SLCO1B3: variants seen among roughly 807,000 people sequenced by gnomAD.
The protein encoded by SLCO1B3 is solute carrier organic anion transporter family member 1B3.
Under a neutral mutation model 71.8 loss-of-function variants are expected in SLCO1B3, and 72 were observed. The observed-to-expected ratio is 1.00, with a 90% CI of 0.83 to 1.22. The LOEUF (loss-of-function observed/expected upper bound fraction) is 1.22, where lower values mean the gene tolerates loss of function less well. Among genes scored for constraint, SLCO1B3 ranks in the 50% most tolerant of loss-of-function variants. The pLI is 0.00. For missense variants in SLCO1B3, 911 were observed against 819.7 expected, an observed-to-expected ratio of 1.11 and a Z score of -1.36; for synonymous variants, 298 against 278.4, an observed-to-expected ratio of 1.07 and a Z score of -0.70.
chr12:20,837,375 G>C (rs1289023726), intron 3 of SLCO1B3, among the ~76,000 whole-genome samples: 5 of 151,564 alleles, frequency 3.3e-5, no homozygotes, highest in Non-Finnish European at 1.5e-5. Flanking sequence ...TTCATTTGCT[G>C]TTTTTTTCCA....
chr12:20,828,729 C>T (rs1326537936), intron 3 of SLCO1B3, among the ~76,000 whole-genome samples: 1 of 152,034 alleles, frequency 6.6e-6, no homozygotes, highest in East Asian at 1.9e-4. Flanking sequence ...GAACTAAATA[C>T]ATCCTTTTAA....
At chr12:20,898,153 C>T (rs1263981523) in intron 13 of SLCO1B3, among the ~76,000 whole-genome samples, 1 of 152,056 alleles carries the variant, frequency 6.6e-6, no homozygotes, top group Non-Finnish European at 1.5e-5. Flanking sequence ...AAAGTCTATT[C>T]CAACCACTTT....
chr12:20,862,202 A>T (rs1239059688), intron 6 of SLCO1B3, among the ~76,000 whole-genome samples: 2 of 152,138 alleles, frequency 1.3e-5, no homozygotes, highest in African/African-American at 4.8e-5. Flanking sequence ...ATTTGCAATG[A>T]TCGTCTGTGT....
chr12:20,833,687 T>TATAG (rs1565582096), intron 3 of SLCO1B3, among the ~76,000 whole-genome samples: 7 of 148,324 alleles, frequency 4.7e-5, no homozygotes, highest in African/African-American at 7.3e-5. Flanking sequence ...CTTTATGGTA[T>TATAG]AGAGAGAGAT....
intron 9 of SLCO1B3, among the ~76,000 whole-genome samples, chr12:20,876,840 T>G (rs899927085): frequency 6.6e-6 from 1 of 152,140 alleles, no homozygotes; most frequent in Non-Finnish European, 1.5e-5. Context: ...TTGATGAATT[T>G]TTTTTTTTGA....
chr12:20,892,856 A>G (rs533761004), intron 13 of SLCO1B3, among the ~76,000 whole-genome samples: 6 of 152,262 alleles, frequency 3.9e-5, no homozygotes, highest in African/African-American at 1.4e-4. Context: ...GCACAGTGAG[A>G]TGTTTGAATT....
intron 15 of SLCO1B3, among the ~76,000 whole-genome samples, chr12:20,913,879 G>A (rs886212771): frequency 1.5e-4 from 23 of 152,122 alleles, no homozygotes; most frequent in Non-Finnish European, 3.2e-4. Context: ...AGCCTCCCAT[G>A]TAGCTGGGAA....
chr12:20,873,332 G>C (rs1683069485), intron 8 of SLCO1B3, among the ~76,000 whole-genome samples: 1 of 145,164 alleles, frequency 6.9e-6, no homozygotes. Flanking sequence ...GAGGAGCTAA[G>C]AGCTGAGATG....
chr12:20,835,970 A>G (rs745945794), intron 3 of SLCO1B3, among the ~76,000 whole-genome samples: 13 of 152,336 alleles, frequency 8.5e-5, no homozygotes, highest in South Asian at 2.1e-4. Context: ...TGGACTCACA[A>G]TTTCAAATGG....
chr12:20,890,719 T>C (rs889777973), intron 13 of SLCO1B3, among the ~76,000 whole-genome samples: 3 of 152,182 alleles, frequency 2.0e-5, no homozygotes, highest in African/African-American at 7.2e-5. Context: ...GTTTATATGT[T>C]TGGAATTGTT....
intron 3 of SLCO1B3, among the ~76,000 whole-genome samples, chr12:20,822,870 C>T (rs1864345478): frequency 6.6e-6 from 1 of 152,076 alleles, no homozygotes; most frequent in Admixed American, 6.6e-5. Flanking sequence ...GAATTGGGGT[C>T]TCAAGTTTTT....
chr12:20,813,984 T>C (rs1864148727), intron 2 of SLCO1B3, among the ~76,000 whole-genome samples: 1 of 152,140 alleles, frequency 6.6e-6, no homozygotes. Flanking sequence ...ATAGATAACA[T>C]TGATATTTAC....
intron 14 of SLCO1B3, among the ~76,000 whole-genome samples, chr12:20,900,427 T>C (rs1866105975): frequency 6.6e-6 from 1 of 152,202 alleles, no homozygotes; most frequent in Non-Finnish European, 1.5e-5. Flanking sequence ...GATAGCTCTC[T>C]ACTATGATGT....
chr12:20,811,525 A>C (rs904154911), intron 1 of SLCO1B3, among the ~76,000 whole-genome samples: 3 of 152,222 alleles, frequency 2.0e-5, no homozygotes, highest in Non-Finnish European at 4.4e-5. Flanking sequence ...CCATAGGTAC[A>C]TGCTAGAAAC....
chr12:20,855,876 T>A (rs1343170728), intron 4 of SLCO1B3, among the ~76,000 whole-genome samples: 4 of 151,984 alleles, frequency 2.6e-5, no homozygotes, highest in Non-Finnish European at 5.9e-5. Flanking sequence ...CTTTTTCTTT[T>A]CACTTTCTAA....
intron 2 of SLCO1B3, among the ~76,000 whole-genome samples, chr12:20,815,214 A>G (rs1292866979): frequency 6.6e-6 from 1 of 152,076 alleles, no homozygotes; most frequent in Non-Finnish European, 1.5e-5. Flanking sequence ...AGGCTATCCT[A>G]ATCATTATTA....
chr12:20,870,121 C>A (rs994669468), intron 8 of SLCO1B3, among the ~76,000 whole-genome samples: 3 of 152,036 alleles, frequency 2.0e-5, no homozygotes, highest in African/African-American at 7.2e-5. Flanking sequence ...CTGTTCATTT[C>A]GATACCTTCT....
At chr12:20,902,602 C>T (rs1226716094) in intron 15 of SLCO1B3, among the ~76,000 whole-genome samples, 4 of 152,044 alleles carry the variant, frequency 2.6e-5, no homozygotes, top group Non-Finnish European at 5.9e-5. Flanking sequence ...CTGTAAGTGA[C>T]TATGCTTATT....
intron 13 of SLCO1B3, among the ~76,000 whole-genome samples, chr12:20,894,389 G>A (rs949618914): frequency 2.0e-5 from 3 of 152,100 alleles, no homozygotes; most frequent in East Asian, 3.9e-4. Flanking sequence ...GTGAGTGTGT[G>A]TGATTGTTAT....
Sources: allele counts gnomAD v4.1 joint callset (sites outside exome capture counted in the v4.1 genomes callset), GRCh38; gene constraint gnomAD v4.1.1; transcripts MANE v1.5; gene names NCBI Gene and HGNC (gene_info 2026-07-23, HGNC 2026-07-21).